NRG1: variants seen among roughly 807,000 people sequenced by gnomAD.
The protein encoded by NRG1 is pro-neuregulin-1, membrane-bound isoform.
NRG1 carries 18 observed loss-of-function variants against 63.8 expected under a neutral mutation model. That is an observed-to-expected ratio of 0.28 (90% CI 0.19 to 0.42). NRG1 has a LOEUF of 0.42. NRG1 is among the 10% of genes least tolerant of loss of function. The pLI is 1.00. For synonymous variants in NRG1, 302 were observed against 301.3 expected, an observed-to-expected ratio of 1.00 and a Z score of -0.02; for missense variants, 762 against 814.7, an observed-to-expected ratio of 0.94 and a Z score of 0.79.
chr8:31,686,983 GGTCTC>G (rs1808963250), intron 1 of NRG1, among the ~76,000 whole-genome samples: 1 of 152,006 alleles, frequency 6.6e-6, no homozygotes, highest in Non-Finnish European at 1.5e-5. Context: ...TGGCCAGACT[GGTCTC>G]TAACTCCTGA....
intron 1 of NRG1, among the ~76,000 whole-genome samples, chr8:31,765,680 A>G (rs1437643590): frequency 2.0e-5 from 3 of 152,134 alleles, no homozygotes; most frequent in Non-Finnish European, 4.4e-5. Flanking sequence ...GCCAGAAAGG[A>G]GTTCACCTTA....
chr8:32,484,806 T>A (rs183486602), intron 1 of NRG1, among the ~76,000 whole-genome samples: 5 of 152,316 alleles, frequency 3.3e-5, no homozygotes, highest in Middle Eastern at 3.4e-3. Context: ...AATGGAAACA[T>A]TTCATGTTTA....
intron 1 of NRG1, among the ~76,000 whole-genome samples, chr8:31,852,659 G>T (rs906870544): frequency 6.6e-6 from 1 of 151,798 alleles, no homozygotes; most frequent in Non-Finnish European, 1.5e-5. Flanking sequence ...ATTGCTTTTG[G>T]TGTTTTAGAC....
chr8:32,198,639 A>G (rs1448941019), intron 1 of NRG1, among the ~76,000 whole-genome samples: 2 of 152,212 alleles, frequency 1.3e-5, no homozygotes, highest in Non-Finnish European at 2.9e-5. Context: ...TTTACTGTGC[A>G]CCTACTTTCT....
chr8:32,748,731 T>C (rs1477011463), intron 7 of NRG1: 1 of 455,536 alleles, frequency 2.2e-6, no homozygotes, highest in African/African-American at 2.0e-5. Flanking sequence ...AAAGGAGTAA[T>C]AAGATGAAAA....
At chr8:32,060,311 A>T (rs1268052060) in intron 1 of NRG1, among the ~76,000 whole-genome samples, 2 of 151,906 alleles carry the variant, frequency 1.3e-5, no homozygotes, top group South Asian at 4.1e-4. Context: ...TTACACTTAA[A>T]ATCTTTATCC....
chr8:32,499,120 C>G (rs999246786), intron 1 of NRG1, among the ~76,000 whole-genome samples: 1 of 152,122 alleles, frequency 6.6e-6, no homozygotes, highest in Non-Finnish European at 1.5e-5. Flanking sequence ...GAGCAAATCT[C>G]AGCACATTCC....
chr8:31,743,004 A>G (rs778693942), intron 1 of NRG1, among the ~76,000 whole-genome samples: 11 of 151,954 alleles, frequency 7.2e-5, no homozygotes, highest in Non-Finnish European at 1.2e-4. Context: ...TACTTTCCAA[A>G]TATCCACTTA....
At chr8:32,093,566 G>C (rs537620746) in intron 1 of NRG1, among the ~76,000 whole-genome samples, 1 of 152,138 alleles carries the variant, frequency 6.6e-6, no homozygotes, top group African/African-American at 2.4e-5. Flanking sequence ...TATAGGAACC[G>C]ACAGACTGGC....
chr8:32,027,680 C>G (rs930468529), intron 1 of NRG1, among the ~76,000 whole-genome samples: 1 of 152,058 alleles, frequency 6.6e-6, no homozygotes, highest in Non-Finnish European at 1.5e-5. Context: ...ATCTGTTTGT[C>G]TGTAATCTAT....
chr8:32,651,231 G>T (rs1855053711), intron 5 of NRG1, among the ~76,000 whole-genome samples: 2 of 152,054 alleles, frequency 1.3e-5, no homozygotes, highest in South Asian at 2.1e-4. Flanking sequence ...ATATTTTCAT[G>T]ATATTAATCT....
intron 1 of NRG1, among the ~76,000 whole-genome samples, chr8:31,898,610 A>G (rs532337812): frequency 6.6e-6 from 1 of 152,328 alleles, no homozygotes; most frequent in African/African-American, 2.4e-5. Context: ...ATACTGAGGT[A>G]GGAGAATCAC....
At chr8:32,746,445 A>C (rs1827445285) in intron 7 of NRG1, among the ~76,000 whole-genome samples, 1 of 152,160 alleles carries the variant, frequency 6.6e-6, no homozygotes, top group Non-Finnish European at 1.5e-5. Context: ...TTTTAACAGG[A>C]ACCACAATTG....
In NRG1 at chr8:31,640,306, G is replaced by A; in HGVS notation, c.37+875G>A. On this transcript the variant is annotated intron_variant, in intron 1 of 10. Transcript: ENST00000519301. The surrounding 1 kb of genome is among the most constrained non-coding windows in gnomAD (Gnocchi z 6.3). ...GAAGGCGGCGGCGGCGGCGGGCGAG[G>A]CAGGGGCGTGGGGCGGCGATCGCGA... 3.5e-6 allele frequency: 4 copies of A among 1,147,168 alleles called. No individual in the cohort carries two copies. The highest frequency in any genetic ancestry group is 4.3e-6 in the Non-Finnish European group (4 of 934,672). 71.1% of individuals were successfully genotyped at this position (1,147,168 alleles called of 1,614,324 possible).
chr8:31,998,543 G>A (rs1812403297), intron 1 of NRG1, among the ~76,000 whole-genome samples: 1 of 151,992 alleles, frequency 6.6e-6, no homozygotes, highest in Non-Finnish European at 1.5e-5. Flanking sequence ...AGTGCATGCT[G>A]TAACTGTATA....
rs1357823054 is a variant in NRG1, at chr8:32,607,714, A to C, written c.400+2031A>C. Among the ~76,000 whole-genome samples, 5 of 152,170 alleles carry C rather than the reference A, an allele frequency of 3.3e-5. No individual in the cohort carries two copies. In the East Asian group the frequency reaches 9.6e-4, roughly 29 times the overall value. ...GTCTAGTGATCAAATTTGAATATGT[A>C]GTGTTGACCAATTATAGGGTAGAGA... On this transcript the variant is annotated intron_variant, in intron 3 of 11. Coordinates refer to ENST00000356819, the Ensembl canonical transcript of NRG1.
At chr8:31,667,115 C>A (rs1303462269) in intron 1 of NRG1, among the ~76,000 whole-genome samples, 1 of 152,162 alleles carries the variant, frequency 6.6e-6, no homozygotes, top group Admixed American at 6.5e-5. Context: ...ATTCATATCA[C>A]CTTGAATATT....
In NRG1 at chr8:32,370,857, C is replaced by CAAAA. The variant is rs570354347; in HGVS notation, c.38-224948_38-224945dup. ...AGGATGACAGAGTGAGACTCTGTCT[C>CAAAA]AAAAAAAAAAAAAAAAAAAAAAAAA... On this transcript the variant is annotated intron_variant, in intron 1 of 10. Coordinates refer to the NRG1 transcript ENST00000519301. Among the ~76,000 whole-genome samples the CAAAA allele has an allele frequency of 3.5e-4, 18 of 52,026 alleles. 1 individual carries two copies. The highest frequency in any genetic ancestry group is 1.3e-3 in the African/African-American group (15 of 11,460). 34.1% of individuals were successfully genotyped at this position (52,026 alleles called of 152,430 possible).
intron 1 of NRG1, among the ~76,000 whole-genome samples, chr8:31,896,334 C>G (rs16878409): frequency 0.05 from 7,557 of 152,280 alleles, 254 homozygotes; most frequent in Admixed American, 0.11. Flanking sequence ...TGTAATACTC[C>G]TAATCCCTGT....
Sources: gnomAD v4.1 joint callset for allele counts (sites outside exome capture counted in the v4.1 genomes callset) on GRCh38, gnomAD v4.1.1 for gene constraint, Gnocchi (gnomAD v3.1) non-coding constraint, MANE v1.5 for transcripts, NCBI Gene and HGNC (gene_info 2026-07-23, HGNC 2026-07-21) for gene names.